The following CREB3L4 variants were observed in gnomAD, a reference collection of about 807,000 sequenced individuals.
CREB3L4 encodes the protein cyclic AMP-responsive element-binding protein 3-like protein 4.
In CREB3L4, 28 loss-of-function variants were observed where a neutral mutation model predicts 37.0. The ratio of observed to expected loss-of-function variants is 0.76; its 90% confidence interval spans 0.56 to 1.04. The LOEUF (loss-of-function observed/expected upper bound fraction) is 1.04. Among genes scored for constraint, CREB3L4 ranks in the 50% least tolerant of loss-of-function variants. CREB3L4 has a pLI of 0.00. For synonymous variants in CREB3L4, 175 were observed against 192.2 expected (o/e 0.91, Z 0.74); for missense variants, 462 against 486.0 (o/e 0.95, Z 0.46).
Position 153,972,492 on chromosome 1 carries a change from A to G in CREB3L4, c.544-252A>G, listed in dbSNP as rs546750541. On this transcript the variant is annotated intron_variant, in intron 4 of 9. Coordinates refer to ENST00000368607, the MANE Select transcript of CREB3L4 (RefSeq NM_001255978.2). ...CTTCTCTAGCTTGCTCAGAGTGCCA[A>G]GGTCCTCAGTGTCTGGGTGAAGGAT... 8.5e-5 allele frequency among the ~76,000 whole-genome samples: 13 copies of G among 152,314 alleles called. No homozygotes were observed. In the East Asian group the frequency reaches 2.1e-3, roughly 25 times the overall value.
At position 153,968,119 on chromosome 1, in the gene CREB3L4, G is replaced by C. The variant is rs925926113; in HGVS notation, c.-50G>C. The C allele has an allele frequency of 6.2e-6, 1 of 161,940 alleles. No homozygotes were observed. Among genetic ancestry groups the C allele is most frequent in the Non-Finnish European group, 1.3e-5 (1 of 74,184 alleles). 10.0% of individuals were successfully genotyped at this position (161,940 alleles called of 1,614,324 possible). On this transcript the variant is annotated 5_prime_UTR_variant, in exon 1 of 10. Transcript: ENST00000368607. Reference sequence around the variant, plus strand: ...CCGTTTGTGGACCCTCAGACTCTTAGTCCCCTACTCCCAGATACAGCGGCC... The same window carrying C: ...CCGTTTGTGGACCCTCAGACTCTTACTCCCCTACTCCCAGATACAGCGGCC...
In CREB3L4 at chr1:153,973,038, C is replaced by T. The variant is rs778292642; in HGVS notation, c.703C>T (p.Arg235Trp). 5.0e-6 allele frequency: 8 copies of T among 1,613,956 alleles called. No individual in the cohort carries two copies. In the Admixed American group the frequency reaches 5.0e-5, roughly 10 times the overall value. Residue 235 changes from arginine to tryptophan, a missense_variant, in exon 6 of 10, where the codon CGG (arginine) becomes TGG (tryptophan). Coordinates refer to ENST00000368607, the MANE Select transcript of CREB3L4 (RefSeq NM_001255978.2). ...TAACAAGCAGTCAGCTCAGGACAGT[C>T]GGCGGCGGAAGAAGGAGTACATTGA... ...IRNKQSAQDS[R>W]RRKKEYIDGL...
intron 4 of CREB3L4, chr1:153,969,662 G>C: frequency 1.8e-6 from 1 of 542,108 alleles, no homozygotes; most frequent in East Asian, 3.3e-5. Flanking sequence ...CCAGGCTGGA[G>C]TGCAGTGGTG....
rs897354423 is a variant in CREB3L4 at position 153,972,845 on chromosome 1, C to G, written c.636+9C>G. On this transcript the variant is annotated intron_variant, in intron 5 of 9. Coordinates refer to ENST00000368607, the MANE Select transcript of CREB3L4 (RefSeq NM_001255978.2). The stretch of plus-strand genomic sequence containing the variant: ...ACCTGCCCCTCACCAAGGTAACATG[C>G]TTCCCCTAAGGGTATCCCAACCCAG... 6.2e-7 allele frequency: 1 copy of G among 1,612,694 alleles called. No homozygotes were observed. Among genetic ancestry groups the G allele is most frequent in the Admixed American group, 1.7e-5 (1 of 59,960 alleles).
At chr1:153,971,462 TCTCA>T (rs1417457445) in intron 4 of CREB3L4, among the ~76,000 whole-genome samples, 1 of 152,046 alleles carries the variant, frequency 6.6e-6, no homozygotes, top group Non-Finnish European at 1.5e-5. Flanking sequence ...GTAGAGACAG[TCTCA>T]CTATGTTGCC....
Position 153,968,972 on chromosome 1 carries a change from A to G in CREB3L4, c.217A>G (p.Ile73Val). The change falls in exon 3 of 10, where the codon ATT becomes GTT. Residue 73 changes from isoleucine (I) to valine (V), a missense_variant. Transcript: ENST00000368607. ...GCCTGAAGATTTCTTGAAGCTTTTC[A>G]TTGATCCCAATGAGGTGTACTGCTC... is the stretch of plus-strand genomic sequence containing the variant. ...SEPEDFLKLF[I>V]DPNEVYCSEA... The G allele has an allele frequency of 6.2e-7, 1 of 1,613,600 alleles. No individual in the cohort carries two copies. The highest frequency in any genetic ancestry group is 2.2e-5 in the East Asian group (1 of 44,880).
In CREB3L4 at chr1:153,974,224, C is replaced by T. The variant is rs1648693523; in HGVS notation, c.*159C>T. The T allele has an allele frequency of 1.6e-6, 1 of 619,342 alleles. No individual in the cohort carries two copies. The highest frequency in any genetic ancestry group is 1.8e-5 in the African/African-American group (1 of 54,366). 38.4% of individuals were successfully genotyped at this position (619,342 alleles called of 1,614,324 possible). On this transcript the variant is annotated 3_prime_UTR_variant, in exon 10 of 10. Transcript: ENST00000368607. ...GATGTCCTTTAGTCTCTGCCTGAGG[C>T]CTAGTCTGCATTTGTTTGCATATAT...
intron 4 of CREB3L4, among the ~76,000 whole-genome samples, chr1:153,971,100 G>C (rs201737255): frequency 3.3e-3 from 1 of 306 alleles, no homozygotes; most frequent in Non-Finnish European, 5.5e-3. Context: ...GCCGGGCGCG[G>C]TGCTCATGCC....
At chr1:153,968,909 T>C (rs1005433438) in intron 2 of CREB3L4, 21 bp from the exon 3 acceptor site, 5 of 1,588,868 alleles carry the variant, frequency 3.1e-6, no homozygotes, top group Middle Eastern at 1.7e-4. Context: ...TGCACATATA[T>C]ATAACCTTTT....
rs571378487 is a variant in CREB3L4, at chr1:153,973,083, G to C, written c.743+5G>C. On this transcript the variant is annotated splice_donor_5th_base_variant and intron_variant, in intron 6 of 9. Coordinates refer to ENST00000368607, the MANE Select transcript of CREB3L4 (RefSeq NM_001255978.2). ...CATTGATGGGCTGGAGAGCAGGTAC[G>C]CCTGGGTTATTTCTGGCTTCTTGTG... The C allele has an allele frequency of 4.3e-6, 7 of 1,613,780 alleles. No homozygotes were observed. In the Admixed American group the frequency reaches 1.0e-4, roughly 23 times the overall value.
Position 153,969,043 on chromosome 1 carries a change from C to A in CREB3L4, c.288C>A (p.Cys96Ter). 2 of 1,614,172 alleles carry A rather than the reference C, an allele frequency of 1.2e-6. No homozygotes were observed. Among genetic ancestry groups the A allele is most frequent in the Non-Finnish European group, 1.7e-6 (2 of 1,180,002 alleles). The change falls in exon 3 of 10, where the codon TGC (cysteine) becomes TGA (stop). Residue 96 changes from cysteine to a stop codon, truncating the protein, a stop_gained. Coordinates refer to ENST00000368607, the MANE Select transcript of CREB3L4 (RefSeq NM_001255978.2). LOFTEE classifies it high-confidence loss of function. ...GSDSGISEDP[C>*]HPDSPPAPRA... The stretch of plus-strand genomic sequence containing the variant: ...ACAGTGGCATCTCTGAGGACCCCTG[C>A]CATCCAGACAGTCCCCCTGCCCCCA...
At chr1:153,972,604 C>T (rs1648483133) in intron 4 of CREB3L4, 140 bp from the exon 5 acceptor site, 3 of 646,382 alleles carry the variant, frequency 4.6e-6, no homozygotes, top group African/African-American at 1.8e-5. Context: ...GTCTCTGCCC[C>T]TCACCTCACC....
At chr1:153,970,994 C>T (rs1488833730) in intron 4 of CREB3L4, among the ~76,000 whole-genome samples, 1 of 148,734 alleles carries the variant, frequency 6.7e-6, no homozygotes, top group Non-Finnish European at 1.5e-5. Flanking sequence ...CCGCCCGCCT[C>T]AGCCTCCCAA....
chr1:153,973,206 G>T lies in CREB3L4; in HGVS notation c.755G>T (p.Cys252Phe), dbSNP rs143236983. The change falls in exon 7 of 10, where the codon TGT becomes TTT. Residue 252 changes from cysteine to phenylalanine, a missense_variant. By Grantham distance (205) the Cys-to-Phe change is radical (BLOSUM62 -2). Coordinates refer to ENST00000368607, the MANE Select transcript of CREB3L4 (RefSeq NM_001255978.2). ...IDGLESRVAA[C>F]SAQNQELQKK... ...TCCCTACATTCTAGGGTGGCAGCCT[G>T]TTCTGCACAGAACCAAGAATTACAG... The T allele has an allele frequency of 8.7e-6, 14 of 1,614,010 alleles. No individual in the cohort carries two copies. Among genetic ancestry groups the T allele is most frequent in the Non-Finnish European group, 1.1e-5 (13 of 1,180,038 alleles).
intron 2 of CREB3L4, 43 bp from the exon 3 acceptor site, chr1:153,968,887 A>G: frequency 6.4e-7 from 1 of 1,558,224 alleles, no homozygotes; most frequent in Non-Finnish European, 8.7e-7. Context: ...GAGGACTTCC[A>G]AAATTCTTCC....
At chr1:153,969,621 T>C in intron 4 of CREB3L4, 166 bp downstream of exon 4, 4 of 731,776 alleles carry the variant, frequency 5.5e-6, no homozygotes, top group Non-Finnish European at 8.8e-6. Context: ...AACTATTTTT[T>C]ATTTTTTGAG....
chr1:153,972,978 G>A lies in CREB3L4; in HGVS notation c.643G>A (p.Glu215Lys). 2 of 1,614,148 alleles carry A rather than the reference G, an allele frequency of 1.2e-6. No homozygotes were observed. Among genetic ancestry groups the A allele is most frequent in the Middle Eastern group, 1.6e-4 (1 of 6,062 alleles). The part of the protein sequence containing the change: ...PSHLPLTKAE[E>K]RVLKKVRRKI... Reference sequence around the variant, plus strand: ...CACATCCTGGGCCTCCAAGGCAGAGGAGAGGGTCCTCAAGAAGGTCAGGAG... The same window carrying A: ...CACATCCTGGGCCTCCAAGGCAGAGAAGAGGGTCCTCAAGAAGGTCAGGAG... Residue 215 changes from glutamate to lysine, a missense_variant, in exon 6 of 10, where the codon GAG (glutamate) becomes AAG (lysine). By Grantham distance (56) the Glu-to-Lys change is moderately conservative (BLOSUM62 1). Transcript: ENST00000368607.
In CREB3L4 at chr1:153,969,552, T is replaced by G; in HGVS notation, c.543+97T>G. 2.1e-6 allele frequency: 3 copies of G among 1,433,578 alleles called. No homozygotes were observed. The Admixed American group carries it at 5.7e-5, about 27-fold the overall frequency. 88.8% of individuals were successfully genotyped at this position (1,433,578 alleles called of 1,614,324 possible). A position where few individuals can be genotyped will look rare whatever the true frequency, so the allele number is the denominator to read the frequency against. On this transcript the variant is annotated intron_variant, in intron 4 of 9. Transcript: ENST00000368607. ...GAGGGAATGGAAACTGATGATGAAC[T>G]GCCTTTGCCCCGGTTTTTGTGGCAT...
chr1:153,973,039 G>A lies in CREB3L4; in HGVS notation c.704G>A (p.Arg235Gln), dbSNP rs754039460. The A allele has an allele frequency of 1.3e-5, 21 of 1,614,026 alleles. No individual in the cohort carries two copies. Among genetic ancestry groups the A allele is most frequent in the East Asian group, 2.2e-5 (1 of 44,888 alleles). ...AACAAGCAGTCAGCTCAGGACAGTCGGCGGCGGAAGAAGGAGTACATTGAT... is the reference window on the plus strand; with the variant it reads ...AACAAGCAGTCAGCTCAGGACAGTCAGCGGCGGAAGAAGGAGTACATTGAT... ...IRNKQSAQDSRRRKKEYIDGL... is the reference protein window; with the variant it reads ...IRNKQSAQDSQRRKKEYIDGL... The change falls in exon 6 of 10, where the codon CGG becomes CAG. Residue 235 changes from arginine (R) to glutamine (Q), a missense_variant. Arg to Gln is a conservative substitution (Grantham distance 43). Transcript: ENST00000368607.
Sources: allele counts gnomAD v4.1 joint callset (sites outside exome capture counted in the v4.1 genomes callset), GRCh38; gene constraint gnomAD v4.1.1; transcripts MANE v1.5; gene names NCBI Gene and HGNC (gene_info 2026-07-23, HGNC 2026-07-21).